The following ADAM12 variants were observed in gnomAD, a reference collection of about 807,000 sequenced individuals.
ADAM12 encodes the protein disintegrin and metalloproteinase domain-containing protein 12.
ADAM12 carries 70 observed loss-of-function variants against 106.4 expected under a neutral mutation model. The ratio of observed to expected loss-of-function variants is 0.66; its 90% confidence interval spans 0.54 to 0.80. ADAM12 has a LOEUF of 0.80. Ranked by LOEUF, ADAM12 falls within the 30% of genes least tolerant of loss-of-function variation. The pLI is 0.00. For missense variants in ADAM12, 1,010 were observed against 1,171.9 expected (o/e 0.86, Z 2.02); for synonymous variants, 420 against 433.5 (o/e 0.97, Z 0.39).
intron 2 of ADAM12, among the ~76,000 whole-genome samples, chr10:126,320,899 T>C (rs909677615): frequency 6.6e-6 from 1 of 152,238 alleles, no homozygotes; most frequent in Middle Eastern, 3.2e-3. Flanking sequence ...AAATTCTCTG[T>C]AATGTCTTTG....
intron 4 of ADAM12, among the ~76,000 whole-genome samples, chr10:126,136,826 T>G (rs1956414449): frequency 1.3e-5 from 2 of 152,196 alleles, no homozygotes; most frequent in Non-Finnish European, 2.9e-5. Context: ...ACATTTATTA[T>G]TCTGTTGAGC....
rs532696875 is a variant in ADAM12, at chr10:126,354,026, T to C, written c.89-23517A>G. 1.4e-4 allele frequency among the ~76,000 whole-genome samples: 21 copies of C among 144,946 alleles called. 1 individual carries two copies. In the South Asian group the frequency reaches 4.7e-3, roughly 32 times the overall value. ...CATATTTGAAATGTTTTTTATAATG[T>C]TAACAAGCTTTTTTTTTTTTTTAAA... On this transcript the variant is annotated intron_variant, in intron 1 of 22. Transcript: ENST00000448723.
At chr10:126,101,006 G>A in intron 9 of ADAM12, 66 bp downstream of exon 9, 1 of 1,565,246 alleles carries the variant, frequency 6.4e-7, no homozygotes, top group Non-Finnish European at 8.7e-7. Context: ...GGCTGTGCAG[G>A]TGAAACGAAG....
rs150839375 is a variant in ADAM12, at chr10:126,170,839, T to A, written c.261-15534A>T. Among the ~76,000 whole-genome samples the A allele has an allele frequency of 2.6e-5, 4 of 152,340 alleles. No homozygotes were observed. The East Asian group carries it at 7.7e-4, about 29-fold the overall frequency. ...CAGTAACGATTCTCCAAGTGCTTAG[T>A]TGATTTACTATCTGATCAGCAACTG... On this transcript the variant is annotated intron_variant, in intron 3 of 22. Coordinates refer to ENST00000448723, the MANE Select transcript of ADAM12 (RefSeq NM_001288973.2).
chr10:126,067,119 G>T (rs577060691), intron 12 of ADAM12: 29 of 325,254 alleles, frequency 8.9e-5, no homozygotes, highest in Admixed American at 2.7e-4. Flanking sequence ...CTGTAGAGGG[G>T]TGTCCAGGCG....
At chr10:126,034,515 A>T (rs892323467) in intron 21 of ADAM12, among the ~76,000 whole-genome samples, 4 of 152,176 alleles carry the variant, frequency 2.6e-5, no homozygotes, top group Admixed American at 1.3e-4. Flanking sequence ...TGAAACAAAA[A>T]CCAGAGAGAA....
intron 11 of ADAM12, among the ~76,000 whole-genome samples, chr10:126,080,616 C>A (rs1340924410): frequency 1.3e-5 from 2 of 152,178 alleles, no homozygotes; most frequent in Admixed American, 1.3e-4. Flanking sequence ...TACGATGTGA[C>A]CTCTTTTGTT....
intron 2 of ADAM12, among the ~76,000 whole-genome samples, chr10:126,314,274 G>A (rs1269778320): frequency 2.6e-5 from 4 of 152,198 alleles, no homozygotes; most frequent in Admixed American, 6.5e-5. Flanking sequence ...TAGCCAGCTC[G>A]ATTGTTAGAG....
Position 126,049,698 on chromosome 10 carries a change from TC to T in ADAM12, c.1610-30del, listed in dbSNP as rs758092646. 1.9e-6 allele frequency: 3 copies of T among 1,586,624 alleles called. No individual in the cohort carries two copies. The highest frequency in any genetic ancestry group is 2.6e-6 in the Non-Finnish European group (3 of 1,166,366). ...AAACAGAAGCAGAACTGCATTTTCA[TC>T]TCCTGCAGGTGATTTTTTTTTTTTC... is the stretch of plus-strand genomic sequence containing the variant. On this transcript the variant is annotated intron_variant, in intron 14 of 22. Coordinates refer to ENST00000448723, the MANE Select transcript of ADAM12 (RefSeq NM_001288973.2). The surrounding 1 kb of genome is among the most constrained non-coding windows in gnomAD (Gnocchi z 4.4).
In ADAM12 at chr10:126,301,399, A is replaced by T. The variant is rs1204937719; in HGVS notation, c.187-22411T>A. 3.3e-5 allele frequency among the ~76,000 whole-genome samples: 5 copies of T among 152,344 alleles called. No individual in the cohort carries two copies. The East Asian group carries it at 7.7e-4, about 23-fold the overall frequency. On this transcript the variant is annotated intron_variant, in intron 2 of 22. Coordinates refer to ENST00000448723, the MANE Select transcript of ADAM12 (RefSeq NM_001288973.2). Reference sequence around the variant, plus strand: ...AACTTGCCAAAATGTAATTACATTCAATCTATGTCAGGGTGAGCATAGTTT... The same window carrying T: ...AACTTGCCAAAATGTAATTACATTCTATCTATGTCAGGGTGAGCATAGTTT...
intron 3 of ADAM12, among the ~76,000 whole-genome samples, chr10:126,200,079 A>G (rs2930124): frequency 0.16 from 23,784 of 152,040 alleles, 4,002 homozygotes; most frequent in East Asian, 0.41. Flanking sequence ...TTTAATATTC[A>G]CTGTTCTATT....
intron 2 of ADAM12, among the ~76,000 whole-genome samples, chr10:126,296,256 C>A (rs1222798914): frequency 6.6e-6 from 1 of 152,142 alleles, no homozygotes; most frequent in African/African-American, 2.4e-5. Flanking sequence ...ATCTTCCCAC[C>A]TCAGTTTCCT....
At chr10:126,337,024 C>G (rs1438967686) in intron 1 of ADAM12, among the ~76,000 whole-genome samples, 3 of 152,314 alleles carry the variant, frequency 2.0e-5, no homozygotes, top group Middle Eastern at 6.8e-3. Context: ...CAAACATGTA[C>G]ATGGTGTATT....
intron 5 of ADAM12, among the ~76,000 whole-genome samples, chr10:126,129,337 A>G (rs1385151281): frequency 6.6e-6 from 1 of 152,236 alleles, no homozygotes; most frequent in East Asian, 1.9e-4. Flanking sequence ...AGCAGTGGGA[A>G]CGTGGCATTT....
intron 3 of ADAM12, among the ~76,000 whole-genome samples, chr10:126,209,161 T>C (rs1957853919): frequency 3.3e-5 from 5 of 152,226 alleles, no homozygotes; most frequent in African/African-American, 9.6e-5. Flanking sequence ...ATAGGAGGGA[T>C]ATTTTCATCT....
chr10:126,160,384 CA>C (rs957299983), intron 3 of ADAM12, among the ~76,000 whole-genome samples: 2 of 151,914 alleles, frequency 1.3e-5, no homozygotes, highest in Non-Finnish European at 1.5e-5. Context: ...CCCCCCTCTC[CA>C]AAAAAAAGCC....
chr10:126,206,393 G>A (rs10901556), intron 3 of ADAM12, among the ~76,000 whole-genome samples: 3,619 of 152,234 alleles, frequency 0.024, 207 homozygotes, highest in East Asian at 0.19. Flanking sequence ...GGAGACAGAT[G>A]AATCAATTTT....
intron 6 of ADAM12, among the ~76,000 whole-genome samples, chr10:126,116,539 C>G (rs1955986828): frequency 1.3e-5 from 2 of 151,966 alleles, no homozygotes; most frequent in South Asian, 2.1e-4. Flanking sequence ...TTTTCAAGCT[C>G]TGTTCCTTGG....
At chr10:126,054,133 C>T (rs560738253) in intron 14 of ADAM12, among the ~76,000 whole-genome samples, 3 of 152,318 alleles carry the variant, frequency 2.0e-5, no homozygotes, top group Non-Finnish European at 4.4e-5. Flanking sequence ...ACCCACTCTT[C>T]CAACACTTTT....
Sources: allele counts gnomAD v4.1 joint callset (sites outside exome capture counted in the v4.1 genomes callset), GRCh38; gene constraint gnomAD v4.1.1; non-coding constraint Gnocchi (gnomAD v3.1); transcripts MANE v1.5; gene names NCBI Gene and HGNC (gene_info 2026-07-23, HGNC 2026-07-21).